The following ARHGEF28 variants were observed in gnomAD, a reference collection of about 807,000 sequenced individuals.
The protein encoded by ARHGEF28 is 190 kDa guanine nucleotide exchange factor.
Under a neutral mutation model 206.6 loss-of-function variants are expected in ARHGEF28, and 152 were observed. That is an observed-to-expected ratio of 0.74 (90% CI 0.64 to 0.84). The LOEUF (loss-of-function observed/expected upper bound fraction) is 0.84, where lower values mean the gene tolerates loss of function less well. Among genes scored for constraint, ARHGEF28 ranks in the 40% least tolerant of loss-of-function variants. The probability of loss-of-function intolerance (pLI) is 0.00; values close to 1 mark genes in which losing one functional copy is unlikely to be tolerated. For missense variants in ARHGEF28, 2,028 were observed against 2,073.2 expected (o/e 0.98, Z 0.42); for synonymous variants, 763 against 776.4 (o/e 0.98, Z 0.29).
At chr5:73,783,345 A>AGTTGT (rs1366459213) in intron 7 of ARHGEF28, among the ~76,000 whole-genome samples, 1 of 145,812 alleles carries the variant, frequency 6.9e-6, no homozygotes, top group Non-Finnish European at 1.5e-5. Flanking sequence ...CCTGGAATAT[A>AGTTGT]GTGTGTGTGT....
intron 2 of ARHGEF28, among the ~76,000 whole-genome samples, chr5:73,707,662 A>G (rs1257255757): frequency 6.6e-6 from 1 of 151,196 alleles, no homozygotes; most frequent in Non-Finnish European, 1.5e-5. Flanking sequence ...ATGGATTTCT[A>G]TTTTTTTTTA....
intron 4 of ARHGEF28, among the ~76,000 whole-genome samples, chr5:73,769,666 A>G (rs961608246): frequency 6.6e-6 from 1 of 152,216 alleles, no homozygotes; most frequent in Non-Finnish European, 1.5e-5. Flanking sequence ...ATAGGTAGGA[A>G]TGGAATTGTT....
intron 17 of ARHGEF28, among the ~76,000 whole-genome samples, chr5:73,865,533 G>T (rs768522821): frequency 6.6e-5 from 10 of 152,128 alleles, no homozygotes; most frequent in African/African-American, 2.4e-4. Context: ...CACATATTGC[G>T]TCAGATCACA....
At chr5:73,647,067 A>G (rs908541900) in intron 1 of ARHGEF28, among the ~76,000 whole-genome samples, 2 of 152,166 alleles carry the variant, frequency 1.3e-5, no homozygotes, top group African/African-American at 4.8e-5. Context: ...GAGCATGACT[A>G]ATCTAAATAT....
chr5:73,928,097 C>T (rs1372632709), intron 35 of ARHGEF28, among the ~76,000 whole-genome samples: 2 of 152,168 alleles, frequency 1.3e-5, no homozygotes, highest in Non-Finnish European at 2.9e-5. Context: ...TATGTAAGTT[C>T]TTTGACATCT....
At chr5:73,792,780 G>T (rs1256653361) in intron 7 of ARHGEF28, among the ~76,000 whole-genome samples, 1 of 151,898 alleles carries the variant, frequency 6.6e-6, no homozygotes, top group South Asian at 2.1e-4. Context: ...CATGGTAGGT[G>T]CTTCACATCA....
chr5:73,695,357 C>T (rs1748132109), intron 2 of ARHGEF28, among the ~76,000 whole-genome samples: 1 of 151,336 alleles, frequency 6.6e-6, no homozygotes, highest in South Asian at 2.1e-4. Context: ...CTCTGCTTTC[C>T]CCTCTTTTTC....
chr5:73,794,608 CTT>C lies in ARHGEF28; in HGVS notation c.963+169_963+170del, dbSNP rs137906752. On this transcript the variant is annotated intron_variant, in intron 8 of 35. Coordinates refer to ENST00000513042, the MANE Select transcript of ARHGEF28 (RefSeq NM_001177693.2). ...GTGAAATTCTGTTTTCTTTTTCTTTCTTTTTTTTTTTTTTTTGAGATGGAGCC... is the reference window on the plus strand; with the variant it reads ...GTGAAATTCTGTTTTCTTTTTCTTTCTTTTTTTTTTTTTTGAGATGGAGCC... Among the ~76,000 whole-genome samples the C allele has an allele frequency of 0.55, 72,865 of 132,102 alleles. 19,748 individuals are homozygous for C. The highest frequency in any genetic ancestry group is 0.71 in the African/African-American group (24,479 of 34,378). The allele number at this position is 132,102 out of a possible 152,430, so 86.7% of individuals were successfully genotyped here.
At chr5:73,838,549 C>T (rs1488149244) in intron 10 of ARHGEF28, among the ~76,000 whole-genome samples, 1 of 152,170 alleles carries the variant, frequency 6.6e-6, no homozygotes, top group East Asian at 1.9e-4. Context: ...TTCATAATTT[C>T]AGTACAGAGA....
intron 22 of ARHGEF28, among the ~76,000 whole-genome samples, chr5:73,880,685 C>A (rs2112661674): frequency 6.6e-6 from 1 of 152,314 alleles, no homozygotes; most frequent in Non-Finnish European, 1.5e-5. Context: ...GTAAGCCCAG[C>A]ACTTTGGGAG....
At chr5:73,713,913 T>G (rs1298430411) in intron 2 of ARHGEF28, among the ~76,000 whole-genome samples, 1 of 152,168 alleles carries the variant, frequency 6.6e-6, no homozygotes, top group South Asian at 2.1e-4. Flanking sequence ...AATTAAAAAT[T>G]GCAAATAGAT....
At chr5:73,828,163 C>G (rs548897443) in intron 9 of ARHGEF28, 1 of 152,286 alleles carries the variant, frequency 6.6e-6, no homozygotes, top group Non-Finnish European at 1.5e-5. Flanking sequence ...CTGATGTTTA[C>G]TTGAAAGTGT....
chr5:73,667,114 T>C (rs537146423), intron 1 of ARHGEF28, among the ~76,000 whole-genome samples: 115 of 152,274 alleles, frequency 7.6e-4, no homozygotes, highest in Non-Finnish European at 1.4e-3. Context: ...TTGAAAGAGC[T>C]GTAAAGCCTT....
At position 73,703,647 on chromosome 5, in the gene ARHGEF28, T is replaced by TTGTGTGTGTGTG. The variant is rs56160198; in HGVS notation, c.33+18779_33+18790dup. Among the ~76,000 whole-genome samples the TTGTGTGTGTGTG allele has an allele frequency of 4.0e-3, 558 of 139,700 alleles. 2 individuals carry two copies. The highest frequency in any genetic ancestry group is 0.013 in the African/African-American group (528 of 39,732). The allele number at this position is 139,700 out of a possible 152,430, so 91.6% of individuals were successfully genotyped here. A position where few individuals can be genotyped will look rare whatever the true frequency, so the allele number is the denominator to read the frequency against. On this transcript the variant is annotated intron_variant, in intron 2 of 35. Coordinates refer to ENST00000513042, the MANE Select transcript of ARHGEF28 (RefSeq NM_001177693.2). ...AATTTCTACTTATCCTTTCCCAGCA[T>TTGTGTGTGTGTG]TGTGTGTGTGTGTGTGTGTGTGTGT...
intron 9 of ARHGEF28, among the ~76,000 whole-genome samples, chr5:73,832,126 C>T (rs1757338467): frequency 6.6e-6 from 1 of 152,198 alleles, no homozygotes; most frequent in Admixed American, 6.5e-5. Flanking sequence ...AAATATTTAT[C>T]TATCTAGAAC....
chr5:73,695,292 T>C (rs1748122645), intron 2 of ARHGEF28, among the ~76,000 whole-genome samples: 2 of 152,160 alleles, frequency 1.3e-5, no homozygotes, highest in African/African-American at 2.4e-5. Context: ...TTTCAAGTTA[T>C]CTCTTTGTCT....
intron 1 of ARHGEF28, among the ~76,000 whole-genome samples, chr5:73,648,410 A>G (rs974050674): frequency 6.6e-6 from 1 of 152,198 alleles, no homozygotes; most frequent in African/African-American, 2.4e-5. Context: ...GAAATATGCC[A>G]TTTCTAGGAA....
At chr5:73,842,865 C>G (rs1758070136) in intron 11 of ARHGEF28, among the ~76,000 whole-genome samples, 1 of 151,998 alleles carries the variant, frequency 6.6e-6, no homozygotes, top group Non-Finnish European at 1.5e-5. Flanking sequence ...CATCTCTAAT[C>G]CCATCTACTC....
chr5:73,897,498 A>G (rs139389713), intron 29 of ARHGEF28, among the ~76,000 whole-genome samples: 1 of 151,946 alleles, frequency 6.6e-6, no homozygotes, highest in African/African-American at 2.4e-5. Flanking sequence ...TTTGAGGAAT[A>G]GCTAATATTT....
Sources: allele counts gnomAD v4.1 joint callset (sites outside exome capture counted in the v4.1 genomes callset), GRCh38; gene constraint gnomAD v4.1.1; transcripts MANE v1.5; gene names NCBI Gene and HGNC (gene_info 2026-07-23, HGNC 2026-07-21).